Variants in G3BP1 observed in about 807,000 individuals in gnomAD.
The protein encoded by G3BP1 is G3BP stress granule assembly factor 1.
Under a neutral mutation model 58.6 loss-of-function variants are expected in G3BP1, and 35 were observed. That is an observed-to-expected ratio of 0.60 (90% confidence interval 0.46 to 0.79). The LOEUF is 0.79. Ranked by LOEUF, G3BP1 falls within the 30% of genes least tolerant of loss-of-function variation. The pLI is 0.00. For synonymous variants in G3BP1, 191 were observed against 195.4 expected, an observed-to-expected ratio of 0.98 and a Z score of 0.19; for missense variants, 523 against 580.8, an observed-to-expected ratio of 0.90 and a Z score of 1.02.
At chr5:151,776,282 C>A (rs1323649609) in intron 1 of G3BP1, among the ~76,000 whole-genome samples, 1 of 152,128 alleles carries the variant, frequency 6.6e-6, no homozygotes, top group African/African-American at 2.4e-5. Flanking sequence ...TTGAATTTAA[C>A]CTGATGATTT....
rs1343537295 is a variant in G3BP1, at chr5:151,810,360, A to G, written c.*6269A>G. ...TTTTTAAAAGATCAGTACAAGAGCT[A>G]TATTTTTTCCTAAGAAAAAATTTCA... On this transcript the variant is annotated 3_prime_UTR_variant, in exon 12 of 12. Coordinates refer to ENST00000356245, the MANE Select transcript of G3BP1 (RefSeq NM_005754.3). The G allele has an allele frequency of 1.3e-5, 2 of 152,190 alleles. No individual in the cohort carries two copies. Among genetic ancestry groups the G allele is most frequent in the African/African-American group, 4.8e-5 (2 of 41,454 alleles). The allele number at this position is 152,190 out of a possible 1,614,324, so 9.4% of individuals were successfully genotyped here.
In G3BP1 at chr5:151,795,582, A is replaced by G. The variant is rs778388651; in HGVS notation, c.539+7A>G. 5 of 1,482,066 alleles carry G rather than the reference A, an allele frequency of 3.4e-6. No individual in the cohort carries two copies. In the South Asian group the frequency reaches 5.7e-5, roughly 17 times the overall value. 91.8% of individuals were successfully genotyped at this position (1,482,066 alleles called of 1,614,324 possible). On this transcript the variant is annotated splice_region_variant and intron_variant, in intron 6 of 11. Coordinates refer to ENST00000356245, the MANE Select transcript of G3BP1 (RefSeq NM_005754.3). Reference sequence around the variant, plus strand: ...ATGATCAGGCAGTTGTCAGGTAAGAAGATTTTGTTCACATGTCCGGGGCTG... The same window carrying G: ...ATGATCAGGCAGTTGTCAGGTAAGAGGATTTTGTTCACATGTCCGGGGCTG...
At chr5:151,772,057 G>A (rs1314497928) in intron 1 of G3BP1, 21 bp downstream of exon 1, 1 of 152,758 alleles carries the variant, frequency 6.5e-6, no homozygotes, top group Non-Finnish European at 1.5e-5. Context: ...GTGTGGGCGG[G>A]GCAGGGAGGC....
At chr5:151,800,650 C>T (rs1439305793) in intron 10 of G3BP1, 110 bp from the exon 11 acceptor site, 4 of 722,206 alleles carry the variant, frequency 5.5e-6, no homozygotes, top group East Asian at 5.1e-5. Flanking sequence ...ATTTATAATT[C>T]AAGTGCTCAG....
chr5:151,788,091 T>G (rs1052787831), intron 2 of G3BP1, among the ~76,000 whole-genome samples: 22 of 151,962 alleles, frequency 1.4e-4, no homozygotes, highest in African/African-American at 5.3e-4. Flanking sequence ...GCCCAGCTAA[T>G]TTTTTGTAGA....
In G3BP1 at chr5:151,797,212, A is replaced by G. The variant is rs1423273501; in HGVS notation, c.540-15A>G. Reference sequence around the variant, plus strand: ...ATGGTGGCAGAATGATATTTCTCAAATTTTCCTGTCAAAGTAATGACATGG... The same window carrying G: ...ATGGTGGCAGAATGATATTTCTCAAGTTTTCCTGTCAAAGTAATGACATGG... On this transcript the variant is annotated splice_polypyrimidine_tract_variant and intron_variant, in intron 6 of 11. Coordinates refer to ENST00000356245, the MANE Select transcript of G3BP1 (RefSeq NM_005754.3). 1.2e-6 allele frequency: 2 copies of G among 1,612,152 alleles called. No individual in the cohort carries two copies. Among genetic ancestry groups the G allele is most frequent in the Admixed American group, 1.7e-5 (1 of 59,750 alleles).
chr5:151,789,390 T>C (rs1762608996), intron 2 of G3BP1, among the ~76,000 whole-genome samples: 1 of 152,178 alleles, frequency 6.6e-6, no homozygotes, highest in Non-Finnish European at 1.5e-5. Flanking sequence ...TGTATTTATC[T>C]GGAAGACAAA....
chr5:151,795,435 A>G, intron 5 of G3BP1, 44 bp from the exon 6 acceptor site: 1 of 982,536 alleles, frequency 1.0e-6, no homozygotes, highest in South Asian at 1.4e-5. Flanking sequence ...GTATATGTGA[A>G]TTCAGTAAGT....
At chr5:151,799,812 G>C in intron 8 of G3BP1, 77 bp from the exon 9 acceptor site, 1 of 810,232 alleles carries the variant, frequency 1.2e-6, no homozygotes, top group East Asian at 2.5e-5. Context: ...TTTAAAACTT[G>C]TTAGCTAAGA....
rs201691899 is a variant in G3BP1, at chr5:151,797,240, G to A, written c.553G>A (p.Glu185Lys). 1 of 1,613,580 alleles carries A rather than the reference G, an allele frequency of 6.2e-7. No homozygotes were observed. The highest frequency in any genetic ancestry group is 8.5e-7 in the Non-Finnish European group (1 of 1,179,506). ...DQAVVSNDMEEHLEEPVAEPE... is the reference protein window; with the variant it reads ...DQAVVSNDMEKHLEEPVAEPE... ...TTCCTGTCAAAGTAATGACATGGAA[G>A]AACATTTAGAGGAGCCTGTTGCTGA... is the stretch of plus-strand genomic sequence containing the variant. The change falls in exon 7 of 12, where the codon GAA becomes AAA. Residue 185 changes from glutamate to lysine, a missense_variant. Transcript: ENST00000356245.
chr5:151,800,928 T>C, intron 11 of G3BP1, 59 bp downstream of exon 11: 2 of 820,506 alleles, frequency 2.4e-6, no homozygotes, highest in Non-Finnish European at 4.1e-6. Context: ...TTTGGTTCTT[T>C]AGAATATATC....
At chr5:151,800,409 A>G (rs1026736532) in intron 10 of G3BP1, 63 bp downstream of exon 10, 45 of 1,209,344 alleles carry the variant, frequency 3.7e-5, no homozygotes, top group Non-Finnish European at 5.3e-5. Context: ...TCCAGTAGCA[A>G]TAGAAAATGA....
chr5:151,780,573 C>T lies in G3BP1; in HGVS notation c.-49-5999C>T, dbSNP rs552876426. ...TCGCCTAGGCTGGAGTGCGGTGGTG[C>T]GATCTTGGCTCATTGCAAGAGCTCC... is the stretch of plus-strand genomic sequence containing the variant. On this transcript the variant is annotated intron_variant, in intron 1 of 11. Coordinates refer to ENST00000356245, the MANE Select transcript of G3BP1 (RefSeq NM_005754.3). 4.6e-5 allele frequency among the ~76,000 whole-genome samples: 7 copies of T among 152,214 alleles called. No individual in the cohort carries two copies. The East Asian group carries it at 9.6e-4, about 21-fold the overall frequency.
chr5:151,784,252 A>G (rs1296428339), intron 1 of G3BP1, among the ~76,000 whole-genome samples: 2 of 152,058 alleles, frequency 1.3e-5, no homozygotes, highest in Non-Finnish European at 2.9e-5. Context: ...ATGTGCCACT[A>G]CACTTAGCTA....
At chr5:151,777,806 C>T (rs1336026507) in intron 1 of G3BP1, among the ~76,000 whole-genome samples, 2 of 152,184 alleles carry the variant, frequency 1.3e-5, no homozygotes, top group East Asian at 3.9e-4. Flanking sequence ...TTTCTCATGT[C>T]CCTTTTCCCT....
At chr5:151,801,489 A>T (rs1430352626) in intron 11 of G3BP1, among the ~76,000 whole-genome samples, 2 of 152,198 alleles carry the variant, frequency 1.3e-5, no homozygotes, top group African/African-American at 4.8e-5. Context: ...TGTATAAATA[A>T]TATTAATTTA....
rs565995621 is a variant in G3BP1, at chr5:151,806,343, T to C, written c.*2252T>C. ...TTTTATTATTTGTACCAAATGTATGTGTGTGTTGTGTATGTTGGTGTAAAT... is the reference window on the plus strand; with the variant it reads ...TTTTATTATTTGTACCAAATGTATGCGTGTGTTGTGTATGTTGGTGTAAAT... On this transcript the variant is annotated 3_prime_UTR_variant, in exon 12 of 12. Coordinates refer to ENST00000356245, the MANE Select transcript of G3BP1 (RefSeq NM_005754.3). 6.6e-6 allele frequency: 1 copy of C among 152,314 alleles called. No individual in the cohort carries two copies. The highest frequency in any genetic ancestry group is 2.4e-5 in the African/African-American group (1 of 41,566). 9.4% of individuals were successfully genotyped at this position (152,314 alleles called of 1,614,324 possible). A position where few individuals can be genotyped will look rare whatever the true frequency, so the allele number is the denominator to read the frequency against.
Position 151,798,960 on chromosome 5 carries a change from CAA to C in G3BP1, c.742-243_742-242del, listed in dbSNP as rs914494676. On this transcript the variant is annotated intron_variant, in intron 7 of 11. Coordinates refer to ENST00000356245, the MANE Select transcript of G3BP1 (RefSeq NM_005754.3). The stretch of plus-strand genomic sequence containing the variant: ...TGGGCAACAGAGCAAGATTCTGTCT[CAA>C]AAAAAAAAGTGAGTAGTTTCTTGAA... 5.2e-4 allele frequency among the ~76,000 whole-genome samples: 77 copies of C among 146,780 alleles called. 1 individual carries two copies. The highest frequency in any genetic ancestry group is 3.2e-4 in the Non-Finnish European group (21 of 66,348).
rs115649703 is a variant in G3BP1, at chr5:151,780,382, A to G, written c.-49-6190A>G. ...ATAAAACTGGCACTGAAAATGGGCT[A>G]TGAAGGCATTTGGCTACTTTTTATT... On this transcript the variant is annotated intron_variant, in intron 1 of 11. Transcript: ENST00000356245. 9.9e-3 allele frequency among the ~76,000 whole-genome samples: 1,504 copies of G among 152,320 alleles called. 28 individuals are homozygous for G. The highest frequency in any genetic ancestry group is 0.034 in the African/African-American group (1,428 of 41,564).
Sources: gnomAD v4.1 joint callset for allele counts (sites outside exome capture counted in the v4.1 genomes callset) on GRCh38, gnomAD v4.1.1 for gene constraint, MANE v1.5 for transcripts, NCBI Gene and HGNC (gene_info 2026-07-23, HGNC 2026-07-21) for gene names.